Variants in GPSM1 observed in about 807,000 individuals in gnomAD.
GPSM1 encodes the protein G protein-signaling modulator 1.
In GPSM1, 48 loss-of-function variants were observed where a neutral mutation model predicts 70.5. That is an observed-to-expected ratio of 0.68 (90% CI 0.54 to 0.87). The LOEUF is 0.87. Ranked by LOEUF, GPSM1 falls within the 40% of genes least tolerant of loss-of-function variation. GPSM1 has a pLI of 0.00. For synonymous variants in GPSM1, 416 were observed against 430.1 expected (o/e 0.97, Z 0.41); for missense variants, 981 against 972.6 (o/e 1.01, Z -0.11).
At chr9:136,351,975 C>A (rs1554772179) in intron 11 of GPSM1, among the ~76,000 whole-genome samples, 1 of 136,646 alleles carries the variant, frequency 7.3e-6, no homozygotes, top group Non-Finnish European at 1.6e-5. Flanking sequence ...GGGCCCCCTT[C>A]CCCCTCTGCT....
Position 136,349,571 on chromosome 9 carries a change from C to T in GPSM1, c.1279-16C>T. The T allele has an allele frequency of 6.5e-7, 1 of 1,548,718 alleles. No individual in the cohort carries two copies. Among genetic ancestry groups the T allele is most frequent in the Non-Finnish European group, 8.7e-7 (1 of 1,145,808 alleles). ...TCACAATTGCCCAGGCCACGCACAGCCTTACCCCTCCCCAGGAGCAGAATG... is the reference window on the plus strand; with the variant it reads ...TCACAATTGCCCAGGCCACGCACAGTCTTACCCCTCCCCAGGAGCAGAATG... On this transcript the variant is annotated splice_polypyrimidine_tract_variant and intron_variant, in intron 10 of 13. Coordinates refer to ENST00000440944, the MANE Select transcript of GPSM1 (RefSeq NM_001145638.3).
At chr9:136,353,611 G>T (rs573878233) in intron 11 of GPSM1, among the ~76,000 whole-genome samples, 2 of 152,328 alleles carry the variant, frequency 1.3e-5, no homozygotes, top group South Asian at 4.1e-4. Context: ...CCTCAGGGAA[G>T]GGGAGGGCTG....
intron 7 of GPSM1, 50 bp from the exon 8 acceptor site, chr9:136,339,657 G>A: frequency 7.7e-7 from 1 of 1,292,736 alleles, no homozygotes; most frequent in Non-Finnish European, 1.1e-6. Context: ...GCTGGGGCTG[G>A]GGGCTGGCCT....
chr9:136,358,568 T>A lies in GPSM1; in HGVS notation c.*348T>A, dbSNP rs1832910592. On this transcript the variant is annotated 3_prime_UTR_variant, in exon 14 of 14. Coordinates refer to ENST00000440944, the MANE Select transcript of GPSM1 (RefSeq NM_001145638.3). ...CCCTGCCAAATGTGAAACCCTGCTGTCTCCCCCACCCTCCCCAAAGGTGTC... is the reference window on the plus strand; with the variant it reads ...CCCTGCCAAATGTGAAACCCTGCTGACTCCCCCACCCTCCCCAAAGGTGTC... 2.4e-6 allele frequency: 1 copy of A among 421,104 alleles called. No individual in the cohort carries two copies. Among genetic ancestry groups the A allele is most frequent in the African/African-American group, 2.1e-5 (1 of 46,712 alleles). The allele number at this position is 421,104 out of a possible 1,614,324, so 26.1% of individuals were successfully genotyped here.
chr9:136,347,403 A>G (rs1315273795), intron 9 of GPSM1, among the ~76,000 whole-genome samples: 1 of 151,088 alleles, frequency 6.6e-6, no homozygotes, highest in Non-Finnish European at 1.5e-5. Flanking sequence ...GTTCCCAGGA[A>G]GACTGGGTAA....
chr9:136,331,834 G>A (rs1832107562), intron 1 of GPSM1: 1 of 394,580 alleles, frequency 2.5e-6, no homozygotes, highest in East Asian at 3.6e-5. Context: ...CCACGTCAGG[G>A]ATTGGGGAGG....
chr9:136,336,175 G>A, intron 3 of GPSM1, 74 bp downstream of exon 3: 3 of 1,515,706 alleles, frequency 2.0e-6, no homozygotes, highest in South Asian at 2.4e-5. Context: ...ATAGGGGCGG[G>A]CGGGTGACTC....
At chr9:136,348,965 C>T (rs901465326) in intron 10 of GPSM1, among the ~76,000 whole-genome samples, 198 bp downstream of exon 10, 1 of 152,240 alleles carries the variant, frequency 6.6e-6, no homozygotes, top group African/African-American at 2.4e-5. Flanking sequence ...CAGCTGTGCC[C>T]CAGGCGAGGC....
rs930784574 is a variant in GPSM1, at chr9:136,341,049, G to C, written c.1207+56G>C. 1.3e-6 allele frequency: 2 copies of C among 1,555,658 alleles called. No homozygotes were observed. On this transcript the variant is annotated intron_variant, in intron 9 of 13. Coordinates refer to ENST00000440944, the MANE Select transcript of GPSM1 (RefSeq NM_001145638.3). The surrounding 1 kb of genome is among the most constrained non-coding windows in gnomAD (Gnocchi z 6.7). ...TCCCCACAGGCACGGACCGCATCAG[G>C]AGCTGCGGAGGGGTGGGATCGAGGC...
rs367934667 is a variant in GPSM1, at chr9:136,336,053, C to T, written c.378C>T (p.Ala126=). 41 of 1,612,138 alleles carry T rather than the reference C, an allele frequency of 2.5e-5. No individual in the cohort carries two copies. Among genetic ancestry groups the T allele is most frequent in the East Asian group, 6.7e-5 (3 of 44,888 alleles). The change falls in exon 3 of 14, where the codon GCC becomes GCT. Residue 126 remains alanine (A), a synonymous_variant. Coordinates refer to ENST00000440944, the MANE Select transcript of GPSM1 (RefSeq NM_001145638.3). ...TCCTGGGGCGCTTCGACGAGGCTGCCGTCTGCTGCCAGCGGCATCTGAGCA... is the reference window on the plus strand; with the variant it reads ...TCCTGGGGCGCTTCGACGAGGCTGCTGTCTGCTGCCAGCGGCATCTGAGCA... ...LKVLGRFDEA[A]VCCQRHLSIA...
chr9:136,349,710 G>C lies in GPSM1; in HGVS notation c.1402G>C (p.Gly468Arg). 1 of 1,572,398 alleles carries C rather than the reference G, an allele frequency of 6.4e-7. No individual in the cohort carries two copies. Among genetic ancestry groups the C allele is most frequent in the Non-Finnish European group, 8.6e-7 (1 of 1,159,848 alleles). Residue 468 changes from glycine (G) to arginine (R), a missense_variant, in exon 11 of 14, where the codon GGC (glycine) becomes CGC (arginine). Coordinates refer to ENST00000440944, the MANE Select transcript of GPSM1 (RefSeq NM_001145638.3). ...GGACGCTGAGAGGAGGCCCCGGGAG[G>C]GCAGCCACTCCCCGCTGGACAGCGC... is the stretch of plus-strand genomic sequence containing the variant. Reference protein sequence around the residue: ...GPDAERRPREGSHSPLDSADV... With the variant: ...GPDAERRPRERSHSPLDSADV...
Position 136,341,575 on chromosome 9 carries a change from A to G in GPSM1, c.1207+582A>G. On this transcript the variant is annotated intron_variant, in intron 9 of 13. Coordinates refer to ENST00000440944, the MANE Select transcript of GPSM1 (RefSeq NM_001145638.3). This position sits in a 1 kb window ranked among gnomAD's most constrained non-coding sequence, Gnocchi z 6.7. ...TAATAGGTGCCAGGGGGGTGGTGCCAGGTTGGGCCGACTTCCTGAGGTGGC... is the reference window on the plus strand; with the variant it reads ...TAATAGGTGCCAGGGGGGTGGTGCCGGGTTGGGCCGACTTCCTGAGGTGGC... The G allele has an allele frequency of 2.0e-6, 2 of 1,020,334 alleles. No individual in the cohort carries two copies. Among genetic ancestry groups the G allele is most frequent in the South Asian group, 4.0e-5 (1 of 25,228 alleles). The allele number at this position is 1,020,334 out of a possible 1,614,324, so 63.2% of individuals were successfully genotyped here.
At chr9:136,339,987 C>T (rs1047246331) in intron 8 of GPSM1, among the ~76,000 whole-genome samples, 172 bp downstream of exon 8, 1 of 152,202 alleles carries the variant, frequency 6.6e-6, no homozygotes, top group Non-Finnish European at 1.5e-5. Flanking sequence ...CTACCATGCC[C>T]GGGGGTTTTT....
rs1832384792 is a variant in GPSM1 at position 136,341,276 on chromosome 9, C to T, written c.1207+283C>T. ...GGCTGCTCCAGGGCCTCCACCCCCA[C>T]CTCCCCCTGGAGCCCTCGGTGCAGG... is the stretch of plus-strand genomic sequence containing the variant. On this transcript the variant is annotated intron_variant, in intron 9 of 13. Transcript: ENST00000440944. The surrounding 1 kb of genome is among the most constrained non-coding windows in gnomAD (Gnocchi z 6.7). The T allele has an allele frequency of 6.8e-7, 1 of 1,475,082 alleles. No individual in the cohort carries two copies. The highest frequency in any genetic ancestry group is 1.4e-5 in the South Asian group (1 of 72,254). 91.4% of individuals were successfully genotyped at this position (1,475,082 alleles called of 1,614,324 possible). A position where few individuals can be genotyped will look rare whatever the true frequency, so the allele number is the denominator to read the frequency against.
At position 136,339,655 on chromosome 9, in the gene GPSM1, T is replaced by TG. The variant is rs1463667281; in HGVS notation, c.975-47dup. ...TGACCACCAGGGGAGGGGCTGGGGC[T>TG]GGGGGCTGGCCTGGAGAGGGCGGGT... On this transcript the variant is annotated intron_variant, in intron 7 of 13. Coordinates refer to ENST00000440944, the MANE Select transcript of GPSM1 (RefSeq NM_001145638.3). 17 of 1,272,912 alleles carry TG rather than the reference T, an allele frequency of 1.3e-5. No individual in the cohort carries two copies. In the East Asian group the frequency reaches 4.3e-4, roughly 32 times the overall value. 78.9% of individuals were successfully genotyped at this position (1,272,912 alleles called of 1,614,324 possible).
At chr9:136,328,963 G>A (rs1299675393) in intron 1 of GPSM1, among the ~76,000 whole-genome samples, 2 of 152,242 alleles carry the variant, frequency 1.3e-5, no homozygotes, top group Admixed American at 1.3e-4. Context: ...GCTGGAGTGA[G>A]TTTGAGTGTG....
Position 136,358,121 on chromosome 9 carries a change from G to A in GPSM1, c.1929G>A (p.Lys643=). ...FFSLIQRVQA[K]RMDEQRVDLA... is the part of the protein sequence containing the mutation. Reference sequence around the variant, plus strand: ...GCCTCATTCAGAGGGTGCAGGCTAAGCGCATGGACGAGCAGCGGGTGGACC... The same window carrying A: ...GCCTCATTCAGAGGGTGCAGGCTAAACGCATGGACGAGCAGCGGGTGGACC... The change falls in exon 14 of 14, where the codon AAG becomes AAA. Residue 643 remains lysine, a synonymous_variant. Coordinates refer to ENST00000440944, the MANE Select transcript of GPSM1 (RefSeq NM_001145638.3). 6.2e-7 allele frequency: 1 copy of A among 1,611,938 alleles called. No homozygotes were observed. Among genetic ancestry groups the A allele is most frequent in the South Asian group, 1.1e-5 (1 of 91,054 alleles).
At chr9:136,347,726 T>C (rs531391686) in intron 9 of GPSM1, among the ~76,000 whole-genome samples, 49 of 123,806 alleles carry the variant, frequency 4.0e-4, no homozygotes, top group African/African-American at 1.3e-3. Context: ...CCGGATTCCA[T>C]CCCATTTTTT....
intron 10 of GPSM1, 22 bp from the exon 11 acceptor site, chr9:136,349,565 G>A (rs782362914): frequency 6.5e-5 from 101 of 1,545,150 alleles, no homozygotes; most frequent in Non-Finnish European, 7.7e-5. Context: ...CCCAGGCCAC[G>A]CACAGCCTTA....
Sources: gnomAD v4.1 joint callset for allele counts (sites outside exome capture counted in the v4.1 genomes callset) on GRCh38, gnomAD v4.1.1 for gene constraint, Gnocchi (gnomAD v3.1) non-coding constraint, MANE v1.5 for transcripts, NCBI Gene and HGNC (gene_info 2026-07-23, HGNC 2026-07-21) for gene names.